NHSL2: variants seen among roughly 807,000 people sequenced by gnomAD.
NHSL2 encodes the protein NHS-like protein 2.
A neutral mutation model predicts 53.4 loss-of-function variants in NHSL2; 27 were observed. The observed-to-expected ratio is 0.51, with a 90% CI of 0.37 to 0.70. The LOEUF is 0.70. NHSL2 is among the 30% of genes least tolerant of loss of function. The pLI is 0.00. For synonymous variants in NHSL2, 408 were observed against 404.1 expected (o/e 1.01, Z -0.12); for missense variants, 892 against 980.1 (o/e 0.91, Z 1.20).
chrX:71,911,427 G>A, intron 1 of NHSL2, 60 bp downstream of exon 1: 1 of 981,969 alleles, frequency 1.0e-6, no homozygotes, highest in African/African-American at 2.0e-5. Flanking sequence ...AGGGGCGCCG[G>A]TCGGCGCTTA....
chrX:72,075,085 C>G (rs2041730043), intron 1 of NHSL2, among the ~76,000 whole-genome samples: 1 of 111,796 alleles, frequency 8.9e-6, no homozygotes, highest in Non-Finnish European at 1.9e-5. Context: ...AAATTAGGTA[C>G]CTTTTTGGAG....
At chrX:71,959,637 C>T (rs1159023839) in intron 1 of NHSL2, among the ~76,000 whole-genome samples, 1 of 111,256 alleles carries the variant, frequency 9.0e-6, no homozygotes, top group Non-Finnish European at 1.9e-5. Context: ...TCTTACTCCT[C>T]CACTCCCCAG....
rs759278711 is a variant in NHSL2, at chrX:72,144,558, C to G, written c.*984C>G. ...TGGAAAGTAAGTGCATCTTGCCCCC[C>G]ACCAGTCAATTCAGATCGTGGTTTG... is the stretch of plus-strand genomic sequence containing the variant. On this transcript the variant is annotated 3_prime_UTR_variant, in exon 8 of 8. Transcript: ENST00000633930. 3.3e-5 allele frequency: 34 copies of G among 1,022,158 alleles called. No individual in the cohort carries two copies. The Admixed American group carries it at 8.3e-4, about 25-fold the overall frequency. The allele number at this position is 1,022,158 out of a possible 1,213,427, so 84.2% of individuals were successfully genotyped here.
At chrX:71,923,262 T>C (rs1479763309) in intron 1 of NHSL2, among the ~76,000 whole-genome samples, 1 of 112,094 alleles carries the variant, frequency 8.9e-6, no homozygotes, top group African/African-American at 3.2e-5. Context: ...GTGGAATCTT[T>C]AGACAGGCAC....
intron 1 of NHSL2, among the ~76,000 whole-genome samples, chrX:72,056,236 C>T (rs1371375415): frequency 9.0e-6 from 1 of 111,666 alleles, no homozygotes; most frequent in Non-Finnish European, 1.9e-5. Context: ...GAAATGCATA[C>T]TAAGGGAATA....
chrX:71,943,793 G>A (rs1207322797), intron 1 of NHSL2, among the ~76,000 whole-genome samples: 2 of 112,427 alleles, frequency 1.8e-5, no homozygotes, highest in African/African-American at 6.5e-5. Context: ...ACCCAACTTA[G>A]AGTGGCTTAA....
At chrX:72,068,249 C>T (rs967978181) in intron 1 of NHSL2, among the ~76,000 whole-genome samples, 2 of 112,279 alleles carry the variant, frequency 1.8e-5, no homozygotes, top group African/African-American at 6.5e-5. Flanking sequence ...AATGACTGGG[C>T]AGGTGAGTGG....
intron 1 of NHSL2, among the ~76,000 whole-genome samples, chrX:71,930,680 G>A (rs1256598092): frequency 1.8e-5 from 2 of 112,172 alleles, no homozygotes; most frequent in African/African-American, 6.5e-5. Context: ...CACTTAGCAT[G>A]TTGTTTTCAA....
intron 1 of NHSL2, among the ~76,000 whole-genome samples, chrX:71,923,878 T>A: frequency 8.9e-6 from 1 of 112,306 alleles, no homozygotes; most frequent in Non-Finnish European, 1.9e-5. Flanking sequence ...CATTTAACAC[T>A]TCACTATGGC....
chrX:72,087,581 A>C lies in NHSL2; in HGVS notation c.281-44498A>C, dbSNP rs752132106. ...TCACAAGAATGCTGGAATAAGATTT[A>C]AAAGTTGGGGCCAGGCGCGGTGGCT... On this transcript the variant is annotated intron_variant, in intron 1 of 7. Transcript: ENST00000633930. Among the ~76,000 whole-genome samples, 4 of 112,998 alleles carry C rather than the reference A, an allele frequency of 3.5e-5. No homozygotes were observed. In the East Asian group the frequency reaches 1.1e-3, roughly 31 times the overall value.
intron 1 of NHSL2, among the ~76,000 whole-genome samples, chrX:71,919,174 TAGA>T (rs746299201): frequency 1.6e-4 from 18 of 112,047 alleles, no homozygotes; most frequent in Admixed American, 1.6e-3. Flanking sequence ...TTTTAGTAAA[TAGA>T]AAAGACAATG....
intron 1 of NHSL2, among the ~76,000 whole-genome samples, chrX:72,100,733 G>T (rs2041984955): frequency 8.9e-6 from 1 of 112,398 alleles, no homozygotes; most frequent in African/African-American, 3.2e-5. Context: ...ATCTGAGGTG[G>T]AACAGTTTCA....
chrX:72,076,833 A>G (rs1194926558), intron 1 of NHSL2, among the ~76,000 whole-genome samples: 2 of 111,436 alleles, frequency 1.8e-5, no homozygotes, highest in Non-Finnish European at 3.8e-5. Context: ...TCAATAGCAG[A>G]TTTTCTATTT....
At chrX:71,955,354 C>T (rs1423099072) in intron 1 of NHSL2, among the ~76,000 whole-genome samples, 3 of 110,766 alleles carry the variant, frequency 2.7e-5, no homozygotes, top group African/African-American at 6.6e-5. Flanking sequence ...AGGAAAATGA[C>T]CCATCCTTTA....
chrX:71,956,812 A>G (rs1292391020), intron 1 of NHSL2, among the ~76,000 whole-genome samples: 1 of 111,501 alleles, frequency 9.0e-6, no homozygotes, highest in Non-Finnish European at 1.9e-5. Context: ...GCACTGCCCC[A>G]CACTCCATTC....
At chrX:72,003,957 T>G in intron 1 of NHSL2, among the ~76,000 whole-genome samples, 1 of 112,022 alleles carries the variant, frequency 8.9e-6, no homozygotes, top group Non-Finnish European at 1.9e-5. Flanking sequence ...TTAGTTCCAC[T>G]TCACACATGA....
At chrX:71,989,343 C>T (rs1256296832) in intron 1 of NHSL2, among the ~76,000 whole-genome samples, 6 of 37,995 alleles carry the variant, frequency 1.6e-4, no homozygotes, top group South Asian at 2.5e-3. Flanking sequence ...AGCAAGACTC[C>T]GTCTCAAAAA....
chrX:72,129,347 C>A (rs753362157), intron 1 of NHSL2: 84 of 118,800 alleles, frequency 7.1e-4, no homozygotes, highest in Non-Finnish European at 1.3e-3. Flanking sequence ...TATCTAGCAA[C>A]TGGCCTCAGT....
rs986411999 is a variant in NHSL2 at position 72,152,754 on chromosome X, A to T, written c.*9180A>T. 8.9e-6 allele frequency: 1 copy of T among 112,827 alleles called. No individual in the cohort carries two copies. 9.3% of individuals were successfully genotyped at this position (112,827 alleles called of 1,213,427 possible). A position where few individuals can be genotyped will look rare whatever the true frequency, so the allele number is the denominator to read the frequency against. The stretch of plus-strand genomic sequence containing the variant: ...CCCTATTTAAAAGCATCCATGAAAC[A>T]GTTCCTTTATGCCTTCTGTTTAGGA... On this transcript the variant is annotated 3_prime_UTR_variant, in exon 8 of 8. Transcript: ENST00000633930.
Sources: gnomAD v4.1 joint callset for allele counts (sites outside exome capture counted in the v4.1 genomes callset) on GRCh38, gnomAD v4.1.1 for gene constraint, MANE v1.5 for transcripts, NCBI Gene and HGNC (gene_info 2026-07-23, HGNC 2026-07-21) for gene names.